The following GSE1 variants were observed in gnomAD, a reference collection of about 807,000 sequenced individuals.
GSE1 encodes genetic suppressor element 1.
A neutral mutation model predicts 112.6 loss-of-function variants in GSE1; 32 were observed. That is an observed-to-expected ratio of 0.28 (90% CI 0.21 to 0.38). The LOEUF (loss-of-function observed/expected upper bound fraction) is 0.38, where lower values mean the gene tolerates loss of function less well. GSE1 is among the 10% of genes least tolerant of loss of function. The probability of loss-of-function intolerance (pLI) is 1.00; values close to 1 mark genes in which losing one functional copy is unlikely to be tolerated. For synonymous variants in GSE1, 1,115 were observed against 735.6 expected (o/e 1.52, Z -8.35); for missense variants, 2,348 against 1,699.2 (o/e 1.38, Z -6.71).
At position 85,436,313 on chromosome 16, in the gene GSE1, A is replaced by T. The variant is rs570406749; in HGVS notation, c.2464+78670A>T. On this transcript the variant is annotated intron_variant, in intron 2 of 2. Transcript: ENST00000637419. ...CTTATTCCAGTTCTGCAGGTAGGGAATTTGCCCAGAGAGCTCAAGACACTG... is the reference window on the plus strand; with the variant it reads ...CTTATTCCAGTTCTGCAGGTAGGGATTTTGCCCAGAGAGCTCAAGACACTG... Among the ~76,000 whole-genome samples, 3 of 152,236 alleles carry T rather than the reference A, an allele frequency of 2.0e-5. No individual in the cohort carries two copies. The East Asian group carries it at 5.8e-4, about 29-fold the overall frequency.
At chr16:85,543,464 G>A (rs2044593647) in intron 2 of GSE1, among the ~76,000 whole-genome samples, 1 of 152,196 alleles carries the variant, frequency 6.6e-6, no homozygotes, top group Non-Finnish European at 1.5e-5. Context: ...AGGCACCAGG[G>A]TTGCCCACCC....
intron 1 of GSE1, among the ~76,000 whole-genome samples, chr16:85,246,788 C>A (rs576910146): frequency 6.6e-6 from 1 of 152,038 alleles, no homozygotes; most frequent in Non-Finnish European, 1.5e-5. Flanking sequence ...GGGAGCCTCC[C>A]CCCTGGATGT....
chr16:85,262,185 AAATT>A (rs926921405), intron 1 of GSE1, among the ~76,000 whole-genome samples: 20 of 152,322 alleles, frequency 1.3e-4, no homozygotes, highest in Admixed American at 4.6e-4. Flanking sequence ...TGACGATGAC[AAATT>A]ATTTATTTAA....
At chr16:85,218,502 G>T (rs577873408) in intron 1 of GSE1, among the ~76,000 whole-genome samples, 1 of 152,226 alleles carries the variant, frequency 6.6e-6, no homozygotes. Flanking sequence ...GAAACGAGAC[G>T]TGCCGCTCGT....
chr16:85,662,893 G>A (rs145209523), intron 9 of GSE1, 88 bp from the exon 10 acceptor site: 2 of 919,124 alleles, frequency 2.2e-6, no homozygotes, highest in East Asian at 2.4e-5. Context: ...GGCCTGATAG[G>A]TGCTCTGCAC....
At chr16:85,592,662 A>C (rs997224185) in intron 1 of GSE1, 2 of 152,146 alleles carry the variant, frequency 1.3e-5, no homozygotes, top group Non-Finnish European at 2.9e-5. Flanking sequence ...ATCGGTTTTT[A>C]TGTTTAACTT....
At chr16:85,643,846 A>C (rs916227184) in intron 2 of GSE1, among the ~76,000 whole-genome samples, 1 of 151,796 alleles carries the variant, frequency 6.6e-6, no homozygotes, top group Non-Finnish European at 1.5e-5. Context: ...TCCCCTGGGC[A>C]GCAGGAGCCC....
chr16:85,634,564 C>T (rs1376556444), intron 2 of GSE1, among the ~76,000 whole-genome samples: 1 of 152,162 alleles, frequency 6.6e-6, no homozygotes, highest in South Asian at 2.1e-4. Context: ...ACATGGTGTC[C>T]CTGGAAACAC....
At chr16:85,371,420 G>A (rs1165064670) in intron 2 of GSE1, among the ~76,000 whole-genome samples, 4 of 152,196 alleles carry the variant, frequency 2.6e-5, no homozygotes, top group African/African-American at 9.7e-5. Flanking sequence ...GAGGGTGTGC[G>A]TCCTGGCTGC....
chr16:85,648,648 T>C lies in GSE1; in HGVS notation c.323T>C (p.Ile108Thr). The C allele has an allele frequency of 6.2e-7, 1 of 1,601,854 alleles. No homozygotes were observed. The highest frequency in any genetic ancestry group is 1.1e-5 in the South Asian group (1 of 90,552). ...STPKRVPMGPIIVPPGGHSVP... is the reference protein window; with the variant it reads ...STPKRVPMGPTIVPPGGHSVP... ...CCCAAGCGCGTGCCCATGGGCCCTA[T>C]CATCGTCCCCCCTGGGGGCCACAGC... Residue 108 changes from isoleucine (I) to threonine (T), a missense_variant, in exon 3 of 16, where the codon ATC becomes ACC. Coordinates refer to ENST00000253458, the MANE Select transcript of GSE1 (RefSeq NM_014615.5).
intron 2 of GSE1, among the ~76,000 whole-genome samples, chr16:85,480,802 C>T (rs1226515316): frequency 6.6e-6 from 1 of 152,190 alleles, no homozygotes; most frequent in Non-Finnish European, 1.5e-5. Flanking sequence ...TTCTGCCTGA[C>T]ATCCCAGCGC....
intron 2 of GSE1, among the ~76,000 whole-genome samples, chr16:85,375,381 G>A (rs902907737): frequency 6.6e-6 from 1 of 152,192 alleles, no homozygotes; most frequent in Non-Finnish European, 1.5e-5. Context: ...GCAGCCATGA[G>A]GGAGGTTCCC....
intron 1 of GSE1, among the ~76,000 whole-genome samples, chr16:85,293,422 C>T (rs1215975542): frequency 3.9e-5 from 6 of 151,904 alleles, no homozygotes; most frequent in South Asian, 4.2e-4. Context: ...GGTGTGTGCC[C>T]GTAATCCCAG....
rs1045554712 is a variant in GSE1 at position 85,176,563 on chromosome 16, A to G, written c.2283+4756A>G. ...CCGTCGAAGATGGGTCTGCTGCATG[A>G]TGGATTGGCTCTCCCTGCAAGCCAG... On this transcript the variant is annotated intron_variant, in intron 1 of 2. Transcript: ENST00000637419. Among the ~76,000 whole-genome samples, 65 of 152,208 alleles carry G rather than the reference A, an allele frequency of 4.3e-4. 1 individual carries two copies. The highest frequency in any genetic ancestry group is 1.8e-4 in the Non-Finnish European group (12 of 68,032).
chr16:85,295,430 C>T (rs540112626), intron 1 of GSE1, among the ~76,000 whole-genome samples: 4 of 152,366 alleles, frequency 2.6e-5, no homozygotes, highest in South Asian at 2.1e-4. Context: ...ATTATTCCAC[C>T]GTGCGCGTAG....
chr16:85,661,095 A>ATGACTGAAGGGTCTTTTCTCCC, intron 8 of GSE1, 51 bp from the exon 9 acceptor site: 1 of 1,505,804 alleles, frequency 6.6e-7, no homozygotes, highest in Non-Finnish European at 8.9e-7. Context: ...AAGCCTGTGG[A>ATGACTGAAGGGTCTTTTCTCCC]TGACTGAAGG....
intron 2 of GSE1, among the ~76,000 whole-genome samples, chr16:85,382,493 C>T (rs2047569888): frequency 6.6e-6 from 1 of 152,136 alleles, no homozygotes; most frequent in African/African-American, 2.4e-5. Flanking sequence ...TGGGAGGGAC[C>T]CTGGGAAGAT....
intron 1 of GSE1, among the ~76,000 whole-genome samples, chr16:85,290,629 G>A (rs1410680965): frequency 6.6e-6 from 1 of 152,088 alleles, no homozygotes; most frequent in Non-Finnish European, 1.5e-5. Flanking sequence ...TGGAGCAAGG[G>A]AGCACCTTTT....
chr16:85,619,680 G>A (rs1475922597), intron 1 of GSE1, among the ~76,000 whole-genome samples: 2 of 152,236 alleles, frequency 1.3e-5, no homozygotes. Flanking sequence ...CAGAGGTGCT[G>A]TGGCTGCCCC....
Sources: allele counts gnomAD v4.1 joint callset (sites outside exome capture counted in the v4.1 genomes callset), GRCh38; gene constraint gnomAD v4.1.1; transcripts MANE v1.5; gene names NCBI Gene and HGNC (gene_info 2026-07-23, HGNC 2026-07-21).